The following AKAP13 variants were observed in gnomAD, a reference collection of about 807,000 sequenced individuals.
AKAP13 encodes A-kinase anchor protein 13.
A neutral mutation model predicts 264.5 loss-of-function variants in AKAP13; 80 were observed. That is an observed-to-expected ratio of 0.30 (90% CI 0.25 to 0.36). The LOEUF (loss-of-function observed/expected upper bound fraction) is 0.36. AKAP13 is among the 10% of genes least tolerant of loss of function. AKAP13 has a pLI of 1.00. For synonymous variants in AKAP13, 1,380 were observed against 1,250.2 expected, an observed-to-expected ratio of 1.10 and a Z score of -2.19; for missense variants, 3,712 against 3,435.2, an observed-to-expected ratio of 1.08 and a Z score of -2.01.
At chr15:85,531,216 T>C (rs997515046) in intron 3 of AKAP13, among the ~76,000 whole-genome samples, 1 of 152,210 alleles carries the variant, frequency 6.6e-6, no homozygotes, top group South Asian at 2.1e-4. Context: ...TGCCCACATA[T>C]GGAATGCACC....
rs561159964 is a variant in AKAP13 at position 85,742,584 on chromosome 15, C to G, written c.8059-908C>G. 3.9e-5 allele frequency among the ~76,000 whole-genome samples: 6 copies of G among 152,356 alleles called. No homozygotes were observed. In the East Asian group the frequency reaches 7.7e-4, roughly 20 times the overall value. Reference sequence around the variant, plus strand: ...TCTGCATAGTTCCTGATTTGCCTCTCTACTGCTGATGAAAAACCTCTCTTT... The same window carrying G: ...TCTGCATAGTTCCTGATTTGCCTCTGTACTGCTGATGAAAAACCTCTCTTT... On this transcript the variant is annotated intron_variant, in intron 35 of 36. Coordinates refer to ENST00000394518, the MANE Select transcript of AKAP13 (RefSeq NM_007200.5).
In AKAP13 at chr15:85,486,801, C is replaced by A. The variant is rs1333963338; in HGVS notation, c.33+1048C>A. ...TTGCCCAGGCTGGAGTGCAGTGGCG[C>A]GATCTTGGCTCACTGCGAGCTCCGC... On this transcript the variant is annotated intron_variant, in intron 2 of 36. Coordinates refer to ENST00000394518, the MANE Select transcript of AKAP13 (RefSeq NM_007200.5). Among the ~76,000 whole-genome samples, 6 of 139,494 alleles carry A rather than the reference C, an allele frequency of 4.3e-5. No homozygotes were observed. The East Asian group carries it at 1.0e-3, about 24-fold the overall frequency. 91.5% of individuals were successfully genotyped at this position (139,494 alleles called of 152,430 possible).
intron 20 of AKAP13, among the ~76,000 whole-genome samples, chr15:85,716,160 A>G (rs527279868): frequency 1.8e-4 from 27 of 152,186 alleles, no homozygotes; most frequent in Middle Eastern, 3.4e-3. Context: ...CTTTTTGTAT[A>G]TCATCAGCCC....
chr15:85,444,153 A>G (rs1364106448), intron 1 of AKAP13, among the ~76,000 whole-genome samples: 1 of 152,172 alleles, frequency 6.6e-6, no homozygotes, highest in Non-Finnish European at 1.5e-5. Flanking sequence ...ATTAATTGCT[A>G]AATTATTTTA....
Position 85,653,574 on chromosome 15 carries a change from A to G in AKAP13, c.4375-1843A>G, listed in dbSNP as rs551674243. On this transcript the variant is annotated intron_variant, in intron 10 of 36. Coordinates refer to ENST00000394518, the MANE Select transcript of AKAP13 (RefSeq NM_007200.5). ...AGTGTGCTTTTGAACTATTACATCAAACCTTTAAAAAGAGTCTCCTTATAG... is the reference window on the plus strand; with the variant it reads ...AGTGTGCTTTTGAACTATTACATCAGACCTTTAAAAAGAGTCTCCTTATAG... Among the ~76,000 whole-genome samples the G allele has an allele frequency of 2.0e-5, 3 of 152,320 alleles. No individual in the cohort carries two copies. The East Asian group carries it at 5.8e-4, about 29-fold the overall frequency.
intron 1 of AKAP13, among the ~76,000 whole-genome samples, chr15:85,398,364 C>G (rs2071224069): frequency 6.6e-6 from 1 of 152,134 alleles, no homozygotes; most frequent in Non-Finnish European, 1.5e-5. Flanking sequence ...CCCAAAAGTA[C>G]ACATAAATGA....
chr15:85,638,296 T>A (rs2151469681), intron 8 of AKAP13, among the ~76,000 whole-genome samples: 1 of 152,342 alleles, frequency 6.6e-6, no homozygotes, highest in South Asian at 2.1e-4. Flanking sequence ...TTATTTTAAT[T>A]CTCTTATATT....
intron 1 of AKAP13, among the ~76,000 whole-genome samples, chr15:85,452,444 T>C (rs1218978668): frequency 2.0e-5 from 3 of 152,216 alleles, no homozygotes; most frequent in Non-Finnish European, 2.9e-5. Flanking sequence ...TATGACACTC[T>C]GGCCATTTGA....
At position 85,579,094 on chromosome 15, in the gene AKAP13, C is replaced by T. The variant is rs1360084642; in HGVS notation, c.1026C>T (p.Cys342=). The change falls in exon 7 of 37, where the codon TGC becomes TGT. Residue 342 remains cysteine (C), a synonymous_variant. Transcript: ENST00000394518. The part of the protein sequence containing the change: ...SSEETESTQC[C]PGSPVAQTES... ...AAGAGACTGAGAGCACTCAGTGCTGCCCAGGGAGCCCTGTTGCACAGACTG... is the reference window on the plus strand; with the variant it reads ...AAGAGACTGAGAGCACTCAGTGCTGTCCAGGGAGCCCTGTTGCACAGACTG... 2 of 1,614,048 alleles carry T rather than the reference C, an allele frequency of 1.2e-6. No homozygotes were observed.
chr15:85,442,516 A>ATAT (rs1355934188), intron 1 of AKAP13, among the ~76,000 whole-genome samples: 2 of 111,068 alleles, frequency 1.8e-5, no homozygotes, highest in Non-Finnish European at 3.7e-5. Context: ...TATATAATAT[A>ATAT]TATTATATTA....
intron 5 of AKAP13, among the ~76,000 whole-genome samples, chr15:85,546,957 T>C (rs1347610271): frequency 6.6e-6 from 1 of 152,138 alleles, no homozygotes; most frequent in African/African-American, 2.4e-5. Context: ...TTGGTCAGGC[T>C]GGTCTCGAAC....
Position 85,722,106 on chromosome 15 carries a change from C to A in AKAP13, c.6368C>A (p.Ala2123Asp). 1 of 1,613,990 alleles carries A rather than the reference C, an allele frequency of 6.2e-7. No individual in the cohort carries two copies. The highest frequency in any genetic ancestry group is 8.5e-7 in the Non-Finnish European group (1 of 1,179,944). The change falls in exon 24 of 37, where the codon GCC becomes GAC. Residue 2123 changes from alanine (A) to aspartate (D), a missense_variant. This residue lies in a region of AKAP13 where 342 missense variants were observed against 484.3 expected (regional missense o/e 0.71). Coordinates refer to ENST00000394518, the MANE Select transcript of AKAP13 (RefSeq NM_007200.5). ...DLYAKDKRFQ[A>D]FVKKKMSSSV... The stretch of plus-strand genomic sequence containing the variant: ...TATGCCAAGGATAAGCGTTTTCAAG[C>A]CTTTGTAAAGGTATTGATAAGAAAC...
At chr15:85,538,115 TA>T (rs899315426) in intron 4 of AKAP13, among the ~76,000 whole-genome samples, 6 of 152,184 alleles carry the variant, frequency 3.9e-5, no homozygotes, top group East Asian at 1.9e-4. Flanking sequence ...AATGGTAAGC[TA>T]GGGGGGTGTT....
In AKAP13 at chr15:85,703,416, T is replaced by A. The variant is rs192800399; in HGVS notation, c.5465-4603T>A. ...TACTTCAGCTGAGATGATTTGGCTC[T>A]TTTTTGTGGCTTTCTTCTTGTTCTG... On this transcript the variant is annotated intron_variant, in intron 17 of 36. Transcript: ENST00000394518. Among the ~76,000 whole-genome samples, 10 of 152,378 alleles carry A rather than the reference T, an allele frequency of 6.6e-5. No homozygotes were observed. In the East Asian group the frequency reaches 1.9e-3, roughly 29 times the overall value.
chr15:85,404,594 T>C (rs1596062650), intron 1 of AKAP13, among the ~76,000 whole-genome samples: 1 of 152,356 alleles, frequency 6.6e-6, no homozygotes, highest in East Asian at 1.9e-4. Context: ...GTTTCCTACA[T>C]AAACCCTGCT....
At chr15:85,636,697 C>T (rs1196259389) in intron 8 of AKAP13, among the ~76,000 whole-genome samples, 1 of 151,988 alleles carries the variant, frequency 6.6e-6, no homozygotes, top group African/African-American at 2.4e-5. Flanking sequence ...TCGCTGCAAC[C>T]TCTGCCTCCT....
At chr15:85,689,168 G>A (rs1352042829) in intron 16 of AKAP13, among the ~76,000 whole-genome samples, 1 of 152,160 alleles carries the variant, frequency 6.6e-6, no homozygotes, top group African/African-American at 2.4e-5. Context: ...TTAAATTCCT[G>A]CACAGCTGCA....
rs766493655 is a variant in AKAP13, at chr15:85,723,277, T to G, written c.6702T>G (p.Arg2234=). The G allele has an allele frequency of 3.7e-6, 6 of 1,613,970 alleles. No homozygotes were observed. Among genetic ancestry groups the G allele is most frequent in the Non-Finnish European group, 5.1e-6 (6 of 1,179,984 alleles). The change falls in exon 26 of 37, where the codon CGT becomes CGG. Residue 2234 remains arginine, a synonymous_variant. Coordinates refer to ENST00000394518, the MANE Select transcript of AKAP13 (RefSeq NM_007200.5). ...KEDLKRKKLV[R]DGSVFLKNAA... is the part of the protein sequence containing the mutation. ...ATTTGAAACGGAAGAAGCTTGTACGTGATGGGAGTGTGTTTCTGAAGAATG... is the reference window on the plus strand; with the variant it reads ...ATTTGAAACGGAAGAAGCTTGTACGGGATGGGAGTGTGTTTCTGAAGAATG...
intron 1 of AKAP13, among the ~76,000 whole-genome samples, chr15:85,432,949 AAG>A (rs2073088230): frequency 6.6e-6 from 1 of 152,072 alleles, no homozygotes; most frequent in East Asian, 1.9e-4. Flanking sequence ...AAAATATAGA[AAG>A]AAAAAAAAAT....
Sources: gnomAD v4.1 joint callset for allele counts (sites outside exome capture counted in the v4.1 genomes callset) on GRCh38, gnomAD v4.1.1 for gene constraint, gnomAD v4.1.1 regional missense constraint, MANE v1.5 for transcripts, NCBI Gene and HGNC (gene_info 2026-07-23, HGNC 2026-07-21) for gene names.